NRXN1: variants seen among roughly 807,000 people sequenced by gnomAD.
The protein encoded by NRXN1 is neurexin 1.
In NRXN1, 39 loss-of-function variants were observed where a neutral mutation model predicts 150.9. The ratio of observed to expected loss-of-function variants is 0.26; its 90% CI spans 0.20 to 0.34. NRXN1 has a LOEUF of 0.34. Among genes scored for constraint, NRXN1 ranks in the 10% least tolerant of loss-of-function variants. NRXN1 has a pLI of 1.00. For missense variants in NRXN1, 1,815 were observed against 1,949.9 expected (o/e 0.93, Z 1.30); for synonymous variants, 924 against 757.0 (o/e 1.22, Z -3.62).
At chr2:50,671,017 CTCT>C (rs1688764782) in intron 5 of NRXN1, among the ~76,000 whole-genome samples, 1 of 151,840 alleles carries the variant, frequency 6.6e-6, no homozygotes, top group Non-Finnish European at 1.5e-5. Flanking sequence ...AATATCTTTT[CTCT>C]TCTTAAATTT....
chr2:49,932,264 T>TA (rs554559826), intron 22 of NRXN1, among the ~76,000 whole-genome samples: 34 of 152,058 alleles, frequency 2.2e-4, no homozygotes, highest in Non-Finnish European at 4.6e-4. Flanking sequence ...ACAGAAAATG[T>TA]AAAAAAATTA....
chr2:50,156,828 G>C (rs2059049825), intron 18 of NRXN1, among the ~76,000 whole-genome samples: 2 of 151,824 alleles, frequency 1.3e-5, no homozygotes, highest in South Asian at 4.1e-4. Flanking sequence ...CTATTGGTTT[G>C]AATTACCTGC....
chr2:50,328,070 T>C (rs2076506112), intron 17 of NRXN1, among the ~76,000 whole-genome samples: 1 of 152,198 alleles, frequency 6.6e-6, no homozygotes, highest in Non-Finnish European at 1.5e-5. Flanking sequence ...ATGTGACTAA[T>C]ACAACAGAGA....
chr2:50,963,735 C>T (rs965082626), intron 2 of NRXN1, among the ~76,000 whole-genome samples: 3 of 151,548 alleles, frequency 2.0e-5, no homozygotes, highest in African/African-American at 7.3e-5. Flanking sequence ...AGTGGTGTTA[C>T]CTTTAAGCAG....
chr2:50,258,505 C>A (rs1487980674), intron 17 of NRXN1, among the ~76,000 whole-genome samples: 1 of 152,040 alleles, frequency 6.6e-6, no homozygotes, highest in Non-Finnish European at 1.5e-5. Context: ...CTTGCTATTT[C>A]TACCACATCT....
intron 18 of NRXN1, among the ~76,000 whole-genome samples, chr2:50,195,831 A>G (rs1008765389): frequency 2.6e-5 from 4 of 152,130 alleles, no homozygotes; most frequent in Non-Finnish European, 5.9e-5. Context: ...ATTTTAAAAT[A>G]TAATATTATC....
At chr2:50,022,527 A>T (rs2152561050) in intron 21 of NRXN1, among the ~76,000 whole-genome samples, 1 of 152,334 alleles carries the variant, frequency 6.6e-6, no homozygotes, top group Admixed American at 6.5e-5. Flanking sequence ...AAAGCAGGGG[A>T]TTACATTTAG....
chr2:50,306,448 G>C (rs2074618237), intron 17 of NRXN1, among the ~76,000 whole-genome samples: 1 of 152,152 alleles, frequency 6.6e-6, no homozygotes, highest in Non-Finnish European at 1.5e-5. Flanking sequence ...CAAACACTCA[G>C]TTCAAAAATA....
chr2:50,081,530 G>A (rs1411511874), intron 19 of NRXN1, among the ~76,000 whole-genome samples: 1 of 152,170 alleles, frequency 6.6e-6, no homozygotes, highest in Non-Finnish European at 1.5e-5. Flanking sequence ...CCAGCCCGGT[G>A]ATAGAGCAAG....
At chr2:50,874,628 A>G (rs756115099) in intron 5 of NRXN1, among the ~76,000 whole-genome samples, 3 of 151,762 alleles carry the variant, frequency 2.0e-5, no homozygotes, top group Non-Finnish European at 4.4e-5. Flanking sequence ...AAAACTTTTT[A>G]TTTCATTTTT....
chr2:50,137,306 A>G (rs762579426), intron 18 of NRXN1, among the ~76,000 whole-genome samples: 2 of 152,184 alleles, frequency 1.3e-5, no homozygotes, highest in African/African-American at 4.8e-5. Context: ...CACCAAGCGC[A>G]TACTCTTAGT....
At chr2:50,902,890 A>G (rs927086800) in intron 5 of NRXN1, among the ~76,000 whole-genome samples, 6 of 152,220 alleles carry the variant, frequency 3.9e-5, no homozygotes, top group South Asian at 2.1e-4. Flanking sequence ...GTATTATTCT[A>G]TAAGTTTACC....
At chr2:50,943,123 G>C (rs540736243) in intron 2 of NRXN1, among the ~76,000 whole-genome samples, 38 of 152,112 alleles carry the variant, frequency 2.5e-4, no homozygotes, top group Non-Finnish European at 4.9e-4. Flanking sequence ...CTGCCATCAT[G>C]TAAGGCATGC....
chr2:50,361,572 G>A lies in NRXN1; in HGVS notation c.3364+103870C>T, dbSNP rs1383448591. Among the ~76,000 whole-genome samples, 4 of 152,086 alleles carry A rather than the reference G, an allele frequency of 2.6e-5. No homozygotes were observed. In the East Asian group the frequency reaches 5.8e-4, roughly 22 times the overall value. On this transcript the variant is annotated intron_variant, in intron 17 of 22. Coordinates refer to ENST00000401669, the MANE Select transcript of NRXN1 (RefSeq NM_001330078.2). Reference sequence around the variant, plus strand: ...CCGAAGACTAAATCAGGAAGAAGTCGAATCCTTGAAGAGACCAATAACAAG... The same window carrying A: ...CCGAAGACTAAATCAGGAAGAAGTCAAATCCTTGAAGAGACCAATAACAAG...
chr2:50,361,417 AT>A (rs1485626477), intron 17 of NRXN1, among the ~76,000 whole-genome samples: 2 of 152,190 alleles, frequency 1.3e-5, no homozygotes, highest in African/African-American at 2.4e-5. Context: ...CAATAAAAAA[AT>A]GATAAAGGGG....
At chr2:50,101,215 G>C (rs1253394271) in intron 18 of NRXN1, among the ~76,000 whole-genome samples, 2 of 151,962 alleles carry the variant, frequency 1.3e-5, no homozygotes, top group African/African-American at 4.8e-5. Flanking sequence ...GCAATACATT[G>C]TGTTTCAGGT....
intron 21 of NRXN1, among the ~76,000 whole-genome samples, chr2:50,051,785 T>C (rs1029492589): frequency 6.6e-6 from 1 of 152,076 alleles, no homozygotes; most frequent in African/African-American, 2.4e-5. Context: ...TCGTTTGCTG[T>C]TACCAATATA....
At chr2:50,374,414 A>C (rs887997024) in intron 17 of NRXN1, among the ~76,000 whole-genome samples, 1 of 151,978 alleles carries the variant, frequency 6.6e-6, no homozygotes, top group African/African-American at 2.4e-5. Flanking sequence ...ATAAAATCTG[A>C]GATTATAATT....
intron 9 of NRXN1, among the ~76,000 whole-genome samples, chr2:50,545,810 T>C (rs1194305493): frequency 6.6e-6 from 1 of 152,198 alleles, no homozygotes; most frequent in Non-Finnish European, 1.5e-5. Context: ...CACCAAAATC[T>C]GTGGATACTT....
Sources: gnomAD v4.1 joint callset for allele counts (sites outside exome capture counted in the v4.1 genomes callset) on GRCh38, gnomAD v4.1.1 for gene constraint, MANE v1.5 for transcripts, NCBI Gene and HGNC (gene_info 2026-07-23, HGNC 2026-07-21) for gene names.